The following HDAC9 variants were observed in gnomAD, a reference collection of about 807,000 sequenced individuals.
HDAC9 encodes the protein MEF-2 interacting transcription repressor (MITR) protein.
In HDAC9, 41 loss-of-function variants were observed where a neutral mutation model predicts 139.4. The observed-to-expected ratio is 0.29, with a 90% CI of 0.23 to 0.38. The LOEUF is 0.38. Among genes scored for constraint, HDAC9 ranks in the 10% least tolerant of loss-of-function variants. HDAC9 has a pLI of 1.00. For synonymous variants in HDAC9, 517 were observed against 476.2 expected (o/e 1.09, Z -1.12); for missense variants, 1,147 against 1,297.0 (o/e 0.88, Z 1.78).
intron 1 of HDAC9, among the ~76,000 whole-genome samples, chr7:18,424,501 T>G (rs1789930869): frequency 6.6e-6 from 1 of 152,230 alleles, no homozygotes. Context: ...ACAACAGTGC[T>G]CAGAAGTGGA....
At chr7:18,204,866 C>G (rs1029708244) in intron 2 of HDAC9, among the ~76,000 whole-genome samples, 29 of 151,676 alleles carry the variant, frequency 1.9e-4, no homozygotes, top group East Asian at 1.9e-4. Flanking sequence ...TATTACTTTT[C>G]TTAGTGTTAA....
intron 12 of HDAC9, among the ~76,000 whole-genome samples, chr7:18,678,582 A>C (rs1781681049): frequency 1.3e-5 from 2 of 151,980 alleles, no homozygotes; most frequent in South Asian, 4.1e-4. Flanking sequence ...AACTTCTGTT[A>C]ATCACATCCA....
intron 23 of HDAC9, among the ~76,000 whole-genome samples, chr7:18,948,024 C>T (rs1782523397): frequency 6.6e-6 from 1 of 151,818 alleles, no homozygotes; most frequent in Non-Finnish European, 1.5e-5. Context: ...ATAAACTACC[C>T]AATCATAATG....
chr7:18,511,713 C>G (rs1053635427), intron 2 of HDAC9, among the ~76,000 whole-genome samples: 1 of 152,184 alleles, frequency 6.6e-6, no homozygotes, highest in African/African-American at 2.4e-5. Context: ...GGGCACTCAA[C>G]CAACAGGTAA....
At chr7:18,353,934 G>T (rs916116630) in intron 1 of HDAC9, among the ~76,000 whole-genome samples, 1 of 152,052 alleles carries the variant, frequency 6.6e-6, no homozygotes, top group African/African-American at 2.4e-5. Flanking sequence ...TTCACAATCT[G>T]AACAGTGTGA....
intron 2 of HDAC9, among the ~76,000 whole-genome samples, chr7:18,278,044 C>T (rs985494836): frequency 6.6e-6 from 1 of 152,192 alleles, no homozygotes; most frequent in African/African-American, 2.4e-5. Flanking sequence ...ATCGTACAAA[C>T]AAGAGGAAGC....
intron 2 of HDAC9, among the ~76,000 whole-genome samples, chr7:18,571,128 C>A (rs1824136422): frequency 6.6e-6 from 1 of 152,210 alleles, no homozygotes; most frequent in African/African-American, 2.4e-5. Flanking sequence ...CTTGGCAAGG[C>A]TTATATGAGC....
chr7:18,186,154 C>A (rs576893843), intron 2 of HDAC9, among the ~76,000 whole-genome samples: 1 of 152,318 alleles, frequency 6.6e-6, no homozygotes, highest in African/African-American at 2.4e-5. Flanking sequence ...AGTTATATTT[C>A]TTGTTATCGA....
rs183559817 is a variant in HDAC9 at position 18,141,204 on chromosome 7, G to A, written c.-96-21025G>A. ...TTCCCTTGCTAGTTTCAGTACATCT[G>A]AATGAGGTGATTATGTTCCTTAAAA... On this transcript the variant is annotated intron_variant, in intron 1 of 12. Coordinates refer to the HDAC9 transcript ENST00000417496. Among the ~76,000 whole-genome samples the A allele has an allele frequency of 1.6e-4, 25 of 152,300 alleles. No individual in the cohort carries two copies. In the East Asian group the frequency reaches 3.3e-3, roughly 20 times the overall value.
chr7:18,221,524 C>T lies in HDAC9; in HGVS notation c.25+59175C>T, dbSNP rs570742513. On this transcript the variant is annotated intron_variant, in intron 2 of 12. Coordinates refer to the HDAC9 transcript ENST00000417496. ...GTCTCAGCATCCCATTTAGTCTTTACAGTATCCTTATAAAGCAGATGATGT... is the reference window on the plus strand; with the variant it reads ...GTCTCAGCATCCCATTTAGTCTTTATAGTATCCTTATAAAGCAGATGATGT... Among the ~76,000 whole-genome samples, 3 of 152,280 alleles carry T rather than the reference C, an allele frequency of 2.0e-5. No homozygotes were observed. The East Asian group carries it at 5.8e-4, about 29-fold the overall frequency.
At chr7:18,629,752 A>G (rs1781769827) in intron 7 of HDAC9, among the ~76,000 whole-genome samples, 1 of 152,164 alleles carries the variant, frequency 6.6e-6, no homozygotes. Flanking sequence ...TTTCAGGAAC[A>G]GGCAGTCCAT....
At chr7:18,893,683 C>A (rs979840760) in intron 22 of HDAC9, among the ~76,000 whole-genome samples, 5 of 152,156 alleles carry the variant, frequency 3.3e-5, no homozygotes, top group East Asian at 1.9e-4. Flanking sequence ...GTGGTTAAAG[C>A]CTAAGCAAAA....
At chr7:18,894,373 T>A (rs961448788) in intron 22 of HDAC9, among the ~76,000 whole-genome samples, 1 of 152,038 alleles carries the variant, frequency 6.6e-6, no homozygotes, top group African/African-American at 2.4e-5. Flanking sequence ...CCTGATTGAT[T>A]TTCACTGGCA....
chr7:18,139,005 A>G (rs1251406360), intron 1 of HDAC9, among the ~76,000 whole-genome samples: 1 of 152,174 alleles, frequency 6.6e-6, no homozygotes, highest in East Asian at 1.9e-4. Context: ...TAGTCAGGTA[A>G]TCAGATGTGT....
rs552829620 is a variant in HDAC9, at chr7:19,001,518, T to A, written c.*5456T>A. Reference sequence around the variant, plus strand: ...AGCAATATTTGGCTATTGGTTTTATTAACTTAAAATTCAACAGAAATGGAG... The same window carrying A: ...AGCAATATTTGGCTATTGGTTTTATAAACTTAAAATTCAACAGAAATGGAG... On this transcript the variant is annotated 3_prime_UTR_variant, in exon 26 of 26. Coordinates refer to ENST00000686413, the MANE Select transcript of HDAC9 (RefSeq NM_178425.4). 122 of 149,052 alleles carry A rather than the reference T, an allele frequency of 8.2e-4. No homozygotes were observed. The highest frequency in any genetic ancestry group is 2.9e-3 in the African/African-American group (118 of 40,128). 9.2% of individuals were successfully genotyped at this position (149,052 alleles called of 1,614,324 possible).
At chr7:18,931,793 C>G (rs1344936042) in intron 22 of HDAC9, among the ~76,000 whole-genome samples, 3 of 152,032 alleles carry the variant, frequency 2.0e-5, no homozygotes, top group African/African-American at 7.2e-5. Flanking sequence ...TCTTTTCAAA[C>G]TAAAGACTAT....
chr7:18,109,127 T>C (rs1783433386), intron 1 of HDAC9, among the ~76,000 whole-genome samples: 1 of 152,148 alleles, frequency 6.6e-6, no homozygotes, highest in Non-Finnish European at 1.5e-5. Context: ...CTTAAAGTAA[T>C]GGATAGGAAT....
intron 2 of HDAC9, among the ~76,000 whole-genome samples, chr7:18,218,868 G>A (rs1324057247): frequency 6.6e-6 from 1 of 152,014 alleles, no homozygotes; most frequent in Non-Finnish European, 1.5e-5. Flanking sequence ...AATATTTCTT[G>A]TCTACAAATC....
chr7:18,476,433 A>G lies in HDAC9; in HGVS notation c.-41-19829A>G, dbSNP rs112519803. On this transcript the variant is annotated intron_variant, in intron 1 of 3. Transcript: ENST00000413509. ...TGGCAGAATATTGACTCAAACCCAT[A>G]CTTATTAGTTACATGGTTTGAGTGT... 7.9e-3 allele frequency among the ~76,000 whole-genome samples: 1,206 copies of G among 151,996 alleles called. 17 individuals carry two copies. The highest frequency in any genetic ancestry group is 0.028 in the African/African-American group (1,143 of 41,426).
Sources: gnomAD v4.1 joint callset for allele counts (sites outside exome capture counted in the v4.1 genomes callset) on GRCh38, gnomAD v4.1.1 for gene constraint, MANE v1.5 for transcripts, NCBI Gene and HGNC (gene_info 2026-07-23, HGNC 2026-07-21) for gene names.